The following MTUS2 variants were observed in gnomAD, a reference collection of about 807,000 sequenced individuals.
The protein encoded by MTUS2 is microtubule associated scaffold protein 2.
A neutral mutation model predicts 114.1 loss-of-function variants in MTUS2; 40 were observed. That is an observed-to-expected ratio of 0.35 (90% CI 0.27 to 0.46). The LOEUF (loss-of-function observed/expected upper bound fraction) is 0.46. Ranked by LOEUF, MTUS2 falls within the 20% of genes least tolerant of loss-of-function variation. The pLI is 1.00. For synonymous variants in MTUS2, 688 were observed against 672.0 expected, an observed-to-expected ratio of 1.02 and a Z score of -0.37; for missense variants, 1,679 against 1,705.4, an observed-to-expected ratio of 0.98 and a Z score of 0.27.
intron 5 of MTUS2, among the ~76,000 whole-genome samples, chr13:29,258,483 A>C (rs1174419234): frequency 6.6e-6 from 1 of 152,232 alleles, no homozygotes; most frequent in East Asian, 1.9e-4. Context: ...CCACGAGTCA[A>C]ATTCATCATA....
chr13:29,482,750 G>A (rs1881289529), intron 10 of MTUS2, among the ~76,000 whole-genome samples: 2 of 152,196 alleles, frequency 1.3e-5, no homozygotes, highest in African/African-American at 2.4e-5. Flanking sequence ...CCTCACAGCT[G>A]GAAATGTCAG....
chr13:29,022,228 C>T (rs1425755988), intron 2 of MTUS2, among the ~76,000 whole-genome samples: 1 of 152,046 alleles, frequency 6.6e-6, no homozygotes, highest in Non-Finnish European at 1.5e-5. Context: ...AGTTTACATG[C>T]TTATGTATAG....
chr13:29,456,999 G>A (rs1348481680), intron 9 of MTUS2, among the ~76,000 whole-genome samples: 3 of 150,624 alleles, frequency 2.0e-5, no homozygotes, highest in Non-Finnish European at 4.4e-5. Flanking sequence ...AAAAAAATTA[G>A]CCAGGCATGG....
chr13:29,371,543 G>A (rs1008063952), intron 8 of MTUS2, among the ~76,000 whole-genome samples: 10 of 152,118 alleles, frequency 6.6e-5, no homozygotes, highest in African/African-American at 1.9e-4. Context: ...TTTGATGAAG[G>A]TATTTTGATA....
intron 6 of MTUS2, among the ~76,000 whole-genome samples, chr13:29,296,367 G>A (rs1052244436): frequency 1.3e-5 from 2 of 151,838 alleles, no homozygotes; most frequent in Non-Finnish European, 2.9e-5. Flanking sequence ...ACCATGCTTG[G>A]CCAATTAAAA....
At chr13:29,001,747 G>A (rs1262234553) in intron 2 of MTUS2, among the ~76,000 whole-genome samples, 5 of 152,164 alleles carry the variant, frequency 3.3e-5, no homozygotes, top group Non-Finnish European at 5.9e-5. Context: ...TTAAGGTAAG[G>A]ATATTGAGTT....
intron 5 of MTUS2, among the ~76,000 whole-genome samples, chr13:29,154,068 G>T (rs1019970713): frequency 1.3e-5 from 2 of 152,158 alleles, no homozygotes; most frequent in African/African-American, 4.8e-5. Flanking sequence ...GTTGGAGTTC[G>T]ATTCATTGTT....
At chr13:29,329,873 C>T (rs1900695190) in intron 7 of MTUS2, among the ~76,000 whole-genome samples, 1 of 152,144 alleles carries the variant, frequency 6.6e-6, no homozygotes. Flanking sequence ...CTCAGCCTCC[C>T]ACAGTGCTGG....
intron 5 of MTUS2, among the ~76,000 whole-genome samples, chr13:29,274,194 A>G (rs1290405186): frequency 6.6e-6 from 1 of 151,880 alleles, no homozygotes; most frequent in Non-Finnish European, 1.5e-5. Flanking sequence ...GCTTGCTGCC[A>G]GCTCCACCTC....
chr13:29,337,079 T>C (rs1901099887), intron 7 of MTUS2, among the ~76,000 whole-genome samples: 1 of 152,168 alleles, frequency 6.6e-6, no homozygotes, highest in Non-Finnish European at 1.5e-5. Context: ...CTTGCTGGGC[T>C]CTGTGGGGAT....
chr13:28,834,691 A>G (rs1051635818), intron 1 of MTUS2, among the ~76,000 whole-genome samples: 2 of 152,220 alleles, frequency 1.3e-5, no homozygotes, highest in African/African-American at 4.8e-5. Flanking sequence ...TAAAAATTAC[A>G]AAATTGTTTC....
At chr13:28,970,785 TC>T (rs1786798817) in intron 2 of MTUS2, among the ~76,000 whole-genome samples, 1 of 152,178 alleles carries the variant, frequency 6.6e-6, no homozygotes, top group South Asian at 2.1e-4. Flanking sequence ...TATACAGTGT[TC>T]CTGTCATATC....
At chr13:28,992,670 G>C (rs936917495) in intron 2 of MTUS2, among the ~76,000 whole-genome samples, 1 of 152,108 alleles carries the variant, frequency 6.6e-6, no homozygotes, top group African/African-American at 2.4e-5. Context: ...GCCATCCCTC[G>C]CATGCTCCCC....
chr13:29,057,119 C>A (rs1422102826), intron 4 of MTUS2, among the ~76,000 whole-genome samples: 1 of 151,640 alleles, frequency 6.6e-6, no homozygotes, highest in African/African-American at 2.4e-5. Flanking sequence ...TGGTTTTGAG[C>A]TTAGTATTGA....
intron 5 of MTUS2, among the ~76,000 whole-genome samples, chr13:29,189,538 A>G (rs1271858317): frequency 7.4e-6 from 1 of 135,708 alleles, no homozygotes; most frequent in Admixed American, 7.1e-5. Context: ...AAGGGACAGT[A>G]AAAAAAAAAA....
At chr13:29,328,406 A>G (rs892773883) in intron 7 of MTUS2, among the ~76,000 whole-genome samples, 8 of 152,252 alleles carry the variant, frequency 5.3e-5, no homozygotes, top group African/African-American at 1.9e-4. Flanking sequence ...TGAGGAAGGC[A>G]TACATTGGTT....
At chr13:29,031,623 A>G (rs1467443173) in intron 3 of MTUS2, among the ~76,000 whole-genome samples, 1 of 151,902 alleles carries the variant, frequency 6.6e-6, no homozygotes, top group Non-Finnish European at 1.5e-5. Context: ...CCTGCAACTG[A>G]TTAGATGAGA....
intron 5 of MTUS2, among the ~76,000 whole-genome samples, chr13:29,182,165 G>C (rs4769686): frequency 0.75 from 114,230 of 152,104 alleles, 42,995 homozygotes; most frequent in East Asian, 0.8. Flanking sequence ...GAGCCTGAGG[G>C]TAAGTTCTAA....
intron 8 of MTUS2, among the ~76,000 whole-genome samples, chr13:29,383,741 G>C (rs533446676): frequency 4.5e-5 from 5 of 111,266 alleles, no homozygotes; most frequent in African/African-American, 1.4e-4. Context: ...CCAAGAGCAC[G>C]GACTGTGCCA....
Sources: allele counts gnomAD v4.1 joint callset (sites outside exome capture counted in the v4.1 genomes callset), GRCh38; gene constraint gnomAD v4.1.1; transcripts MANE v1.5; gene names NCBI Gene and HGNC (gene_info 2026-07-23, HGNC 2026-07-21).